EPHA4: variants seen among roughly 807,000 people sequenced by gnomAD.
EPHA4 encodes EPH receptor A4.
A neutral mutation model predicts 108.3 loss-of-function variants in EPHA4; 19 were observed. That is an observed-to-expected ratio of 0.18 (90% CI 0.12 to 0.26). The LOEUF (loss-of-function observed/expected upper bound fraction) is 0.26. Ranked by LOEUF, EPHA4 falls within the 10% of genes least tolerant of loss-of-function variation. The probability of loss-of-function intolerance (pLI) is 1.00; values close to 1 mark genes in which losing one functional copy is unlikely to be tolerated. For synonymous variants in EPHA4, 449 were observed against 455.5 expected, an observed-to-expected ratio of 0.99 and a Z score of 0.18; for missense variants, 917 against 1,254.0, an observed-to-expected ratio of 0.73 and a Z score of 4.06.
chr2:221,501,703 G>C (rs1168650339), intron 3 of EPHA4, among the ~76,000 whole-genome samples: 1 of 152,078 alleles, frequency 6.6e-6, no homozygotes, highest in Non-Finnish European at 1.5e-5. Context: ...CAACCAGTGG[G>C]AAGTGTATCC....
chr2:221,441,969 A>G (rs1690442127), intron 11 of EPHA4, among the ~76,000 whole-genome samples: 1 of 152,088 alleles, frequency 6.6e-6, no homozygotes, highest in African/African-American at 2.4e-5. Context: ...CTGCTCCCCC[A>G]CACTGGGGTG....
chr2:221,484,327 C>T (rs1691917197), intron 4 of EPHA4, among the ~76,000 whole-genome samples: 1 of 152,118 alleles, frequency 6.6e-6, no homozygotes, highest in Non-Finnish European at 1.5e-5. Flanking sequence ...ATTCACTCTC[C>T]TTTTCTCTTT....
Position 221,572,198 on chromosome 2 carries a change from G to A in EPHA4, c.51C>T (p.Cys17=). ...FALFSCLFGI[C]DAVTGSRVYP... ...ATACCCTGGAACCTGTGACAGCGTC[G>A]CAAATCCCGAAGAGACACGAAAATA... Residue 17 remains cysteine, a synonymous_variant, in exon 1 of 18, where the codon TGC becomes TGT. Transcript: ENST00000281821. 1 of 1,614,128 alleles carries A rather than the reference G, an allele frequency of 6.2e-7. No individual in the cohort carries two copies. Among genetic ancestry groups the A allele is most frequent in the Non-Finnish European group, 8.5e-7 (1 of 1,179,968 alleles).
intron 5 of EPHA4, among the ~76,000 whole-genome samples, chr2:221,460,241 T>C (rs1217726493): frequency 6.6e-6 from 1 of 151,986 alleles, no homozygotes; most frequent in African/African-American, 2.4e-5. Context: ...GTCATAAAAA[T>C]GGAGAATAAG....
chr2:221,495,161 A>G (rs1346521926), intron 4 of EPHA4, among the ~76,000 whole-genome samples: 1 of 152,220 alleles, frequency 6.6e-6, no homozygotes, highest in Non-Finnish European at 1.5e-5. Context: ...TTCCACAGTG[A>G]GTGCATTTGG....
At chr2:221,441,292 G>C (rs762232689) in intron 11 of EPHA4, among the ~76,000 whole-genome samples, 1 of 149,206 alleles carries the variant, frequency 6.7e-6, no homozygotes, top group Non-Finnish European at 1.5e-5. Context: ...TGGTACTATC[G>C]TAGCTCACTA....
At chr2:221,512,846 A>C (rs1692868749) in intron 3 of EPHA4, among the ~76,000 whole-genome samples, 1 of 152,236 alleles carries the variant, frequency 6.6e-6, no homozygotes, top group Non-Finnish European at 1.5e-5. Flanking sequence ...ACATACTAAG[A>C]GCTAAAAGGC....
At chr2:221,540,296 A>C (rs2106190198) in intron 3 of EPHA4, among the ~76,000 whole-genome samples, 1 of 152,282 alleles carries the variant, frequency 6.6e-6, no homozygotes, top group South Asian at 2.1e-4. Flanking sequence ...GGTTACTTAA[A>C]TTTCCACGTG....
At chr2:221,514,088 C>CGG (rs200867792) in intron 3 of EPHA4, among the ~76,000 whole-genome samples, 270 of 118,094 alleles carry the variant, frequency 2.3e-3, no homozygotes, top group Middle Eastern at 3.8e-3. Flanking sequence ...TCCTGTAAGC[C>CGG]GGGGGGAGGG....
upstream of EPHA4, chr2:221,572,458 C>T (rs1694877160): frequency 5.5e-6 from 2 of 363,222 alleles, no homozygotes; most frequent in Non-Finnish European, 9.7e-6. Flanking sequence ...GGGTTCCGCC[C>T]CCTCCGGGCT....
intron 5 of EPHA4, among the ~76,000 whole-genome samples, chr2:221,469,964 C>A (rs1691429608): frequency 6.6e-6 from 1 of 152,194 alleles, no homozygotes; most frequent in South Asian, 2.1e-4. Flanking sequence ...AAGATAGATG[C>A]TCTTTAGCAT....
intron 8 of EPHA4, among the ~76,000 whole-genome samples, chr2:221,450,600 T>C (rs945824862): frequency 1.3e-5 from 2 of 152,208 alleles, no homozygotes; most frequent in Admixed American, 6.5e-5. Context: ...TAACTCACCA[T>C]GTGACCTTCG....
chr2:221,564,050 G>A lies in EPHA4; in HGVS notation c.504C>T (p.Thr168=), dbSNP rs759793875. 1.2e-5 allele frequency: 19 copies of A among 1,613,940 alleles called. No individual in the cohort carries two copies. Among genetic ancestry groups the A allele is most frequent in the East Asian group, 2.2e-5 (1 of 44,892 alleles). The part of the protein sequence containing the change: ...DIGDRIMKLN[T]EIRDVGPLSK... ...TTAATGGCCCTACATCCCGGATCTC[G>A]GTGTTCAGCTTCATGATTCTGTCAC... Residue 168 remains threonine (T), a synonymous_variant, in exon 3 of 18, where the codon ACC becomes ACT. Transcript: ENST00000281821.
rs558569595 is a variant in EPHA4 at position 221,473,793 on chromosome 2, C to A, written c.1318+8559G>T. On this transcript the variant is annotated intron_variant, in intron 5 of 17. Coordinates refer to ENST00000281821, the MANE Select transcript of EPHA4 (RefSeq NM_004438.5). ...CTGCCCATTTCTCATCTCAGCCAGG[C>A]ACTTATTTTTTAAATCTCTTGATGG... Among the ~76,000 whole-genome samples, 13 of 152,114 alleles carry A rather than the reference C, an allele frequency of 8.5e-5. No homozygotes were observed. In the East Asian group the frequency reaches 2.3e-3, roughly 27 times the overall value.
chr2:221,453,444 G>A (rs1279188322), intron 8 of EPHA4, among the ~76,000 whole-genome samples: 1 of 152,026 alleles, frequency 6.6e-6, no homozygotes, highest in Non-Finnish European at 1.5e-5. Flanking sequence ...GTGGTTATAT[G>A]CACAGCATGC....
chr2:221,559,848 T>A (rs1417461045), intron 3 of EPHA4, among the ~76,000 whole-genome samples: 1 of 152,212 alleles, frequency 6.6e-6, no homozygotes, highest in Non-Finnish European at 1.5e-5. Flanking sequence ...CTTGAGAAGA[T>A]GGGTAAGTAG....
At chr2:221,429,601 C>G (rs1690011721) in intron 15 of EPHA4, among the ~76,000 whole-genome samples, 1 of 152,138 alleles carries the variant, frequency 6.6e-6, no homozygotes, top group Admixed American at 6.5e-5. Flanking sequence ...AGTGTTCCTG[C>G]CCCATTTCAA....
intron 7 of EPHA4, among the ~76,000 whole-genome samples, chr2:221,456,173 A>G (rs1574578438): frequency 2.8e-5 from 3 of 106,370 alleles, no homozygotes; most frequent in South Asian, 7.2e-4. Context: ...AAGGGTCTTT[A>G]AAAAAAAAAA....
intron 3 of EPHA4, among the ~76,000 whole-genome samples, chr2:221,514,086 G>C (rs914691967): frequency 1.5e-5 from 1 of 68,250 alleles, no homozygotes; most frequent in Non-Finnish European, 2.6e-5. Flanking sequence ...ACTCCTGTAA[G>C]CCGGGGGGAG....
Sources: allele counts gnomAD v4.1 joint callset (sites outside exome capture counted in the v4.1 genomes callset), GRCh38; gene constraint gnomAD v4.1.1; transcripts MANE v1.5; gene names NCBI Gene and HGNC (gene_info 2026-07-23, HGNC 2026-07-21).